The following NAALADL2 variants were observed in gnomAD, a reference collection of about 807,000 sequenced individuals.
NAALADL2 encodes inactive N-acetylated-alpha-linked acidic dipeptidase-like protein 2.
NAALADL2 carries 76 observed loss-of-function variants against 87.2 expected under a neutral mutation model. The ratio of observed to expected loss-of-function variants is 0.87; its 90% confidence interval spans 0.72 to 1.05. NAALADL2 has a LOEUF of 1.05. Ranked by LOEUF, NAALADL2 falls within the 50% of genes least tolerant of loss-of-function variation. The pLI, the probability that NAALADL2 is intolerant of heterozygous loss-of-function variation, is 0.00. For synonymous variants in NAALADL2, 354 were observed against 331.0 expected (o/e 1.07, Z -0.75); for missense variants, 1,089 against 945.8 (o/e 1.15, Z -1.99).
chr3:175,587,088 C>T (rs1049161221), intron 10 of NAALADL2, among the ~76,000 whole-genome samples: 1 of 152,172 alleles, frequency 6.6e-6, no homozygotes, highest in Non-Finnish European at 1.5e-5. Context: ...GGCCCTGACT[C>T]CCTCTGATGG....
rs138431147 is a variant in NAALADL2, at chr3:174,594,327, C to T, written c.-115+43690C>T. ...TTCATAGCTCAATGTGTTTTCATGCCGATTTCTTAACTCCCTCCAAGCCTT... is the reference window on the plus strand; with the variant it reads ...TTCATAGCTCAATGTGTTTTCATGCTGATTTCTTAACTCCCTCCAAGCCTT... On this transcript the variant is annotated intron_variant, in intron 2 of 3. Transcript: ENST00000434257. Among the ~76,000 whole-genome samples the T allele has an allele frequency of 9.2e-5, 14 of 152,164 alleles. No individual in the cohort carries two copies. The East Asian group carries it at 1.2e-3, about 13-fold the overall frequency.
At chr3:175,766,011 C>T (rs986380718) in intron 13 of NAALADL2, among the ~76,000 whole-genome samples, 1 of 152,186 alleles carries the variant, frequency 6.6e-6, no homozygotes, top group Middle Eastern at 3.4e-3. Flanking sequence ...CTAGTTTGCT[C>T]AGAAATCACC....
At chr3:175,158,548 G>A (rs900640772) in intron 2 of NAALADL2, among the ~76,000 whole-genome samples, 6 of 151,960 alleles carry the variant, frequency 3.9e-5, no homozygotes, top group African/African-American at 1.2e-4. Flanking sequence ...TTTGTAATCA[G>A]GACATATCAG....
intron 3 of NAALADL2, among the ~76,000 whole-genome samples, chr3:174,827,695 A>G (rs898625313): frequency 6.6e-6 from 1 of 152,202 alleles, no homozygotes; most frequent in African/African-American, 2.4e-5. Flanking sequence ...ACATTTTAGG[A>G]GTCGTTATAC....
intron 5 of NAALADL2, among the ~76,000 whole-genome samples, chr3:175,360,063 A>G (rs1330051958): frequency 6.6e-6 from 1 of 152,112 alleles, no homozygotes; most frequent in South Asian, 2.1e-4. Context: ...CTTACATCCA[A>G]TACTCAATGC....
chr3:174,684,811 G>A (rs1727875145), intron 2 of NAALADL2, among the ~76,000 whole-genome samples: 1 of 152,064 alleles, frequency 6.6e-6, no homozygotes, highest in Non-Finnish European at 1.5e-5. Flanking sequence ...GTATTAAGGA[G>A]CCTGATGCAA....
At chr3:175,053,172 G>A (rs976462014) in intron 1 of NAALADL2, among the ~76,000 whole-genome samples, 6 of 152,184 alleles carry the variant, frequency 3.9e-5, no homozygotes, top group Non-Finnish European at 8.8e-5. Flanking sequence ...AGATCAGAAA[G>A]CATGTGTAAC....
At chr3:174,902,415 T>C (rs1732425877) in intron 1 of NAALADL2, among the ~76,000 whole-genome samples, 3 of 152,080 alleles carry the variant, frequency 2.0e-5, no homozygotes, top group Admixed American at 2.0e-4. Flanking sequence ...GTAGTGACTA[T>C]TAATGTAATT....
chr3:175,667,241 A>AAG (rs1182682303), intron 11 of NAALADL2, among the ~76,000 whole-genome samples: 954 of 91,668 alleles, frequency 0.01, 26 homozygotes, highest in African/African-American at 0.039. Context: ...GAAAGAAAGA[A>AAG]AAAGAAAGAA....
intron 3 of NAALADL2, among the ~76,000 whole-genome samples, chr3:175,248,961 T>G (rs1331644965): frequency 6.6e-6 from 1 of 152,010 alleles, no homozygotes; most frequent in African/African-American, 2.4e-5. Flanking sequence ...AATTATATAG[T>G]TCTATCAGAA....
chr3:175,738,846 C>T (rs17276578), intron 12 of NAALADL2, among the ~76,000 whole-genome samples: 35,718 of 151,974 alleles, frequency 0.24, 4,437 homozygotes, highest in Middle Eastern at 0.31. Context: ...ACATATGGCA[C>T]TTTGCAAAAT....
chr3:175,348,069 G>A (rs1763342742), intron 5 of NAALADL2, among the ~76,000 whole-genome samples: 1 of 152,076 alleles, frequency 6.6e-6, no homozygotes, highest in Non-Finnish European at 1.5e-5. Context: ...TGTTTTGTTT[G>A]AGACGGAATT....
chr3:175,454,107 A>G (rs1326887742), intron 6 of NAALADL2, among the ~76,000 whole-genome samples: 1 of 152,090 alleles, frequency 6.6e-6, no homozygotes, highest in Non-Finnish European at 1.5e-5. Flanking sequence ...TTAATAGCAA[A>G]TAATTTCCAA....
chr3:174,766,020 C>A (rs1467530945), intron 3 of NAALADL2, among the ~76,000 whole-genome samples: 1 of 152,082 alleles, frequency 6.6e-6, no homozygotes, highest in Non-Finnish European at 1.5e-5. Flanking sequence ...CAGATAAACA[C>A]CCCTCAATAG....
At chr3:175,172,270 A>G (rs1037557434) in intron 2 of NAALADL2, among the ~76,000 whole-genome samples, 4 of 152,106 alleles carry the variant, frequency 2.6e-5, no homozygotes, top group African/African-American at 9.7e-5. Context: ...ATATATATAT[A>G]TAGTCATTTT....
chr3:175,185,506 A>C (rs1207535361), intron 2 of NAALADL2, among the ~76,000 whole-genome samples: 1 of 151,986 alleles, frequency 6.6e-6, no homozygotes, highest in East Asian at 1.9e-4. Flanking sequence ...ATGCATCATG[A>C]TGTATTTATA....
intron 2 of NAALADL2, among the ~76,000 whole-genome samples, chr3:175,113,758 T>A (rs1007443114): frequency 2.0e-5 from 3 of 151,518 alleles, no homozygotes; most frequent in Non-Finnish European, 4.4e-5. Flanking sequence ...GATCCCCAAT[T>A]TTTTTTATGC....
At chr3:175,391,046 T>C (rs1560477693) in intron 5 of NAALADL2, among the ~76,000 whole-genome samples, 1 of 152,164 alleles carries the variant, frequency 6.6e-6, no homozygotes. Flanking sequence ...GAGCATCTGG[T>C]GCATGAGACT....
intron 5 of NAALADL2, among the ~76,000 whole-genome samples, chr3:175,405,215 T>A (rs1712093971): frequency 6.6e-6 from 1 of 152,178 alleles, no homozygotes; most frequent in Admixed American, 6.6e-5. Flanking sequence ...AGATTTTGCT[T>A]TGATAATTAC....
Sources: allele counts gnomAD v4.1 joint callset (sites outside exome capture counted in the v4.1 genomes callset), GRCh38; gene constraint gnomAD v4.1.1; transcripts MANE v1.5; gene names NCBI Gene and HGNC (gene_info 2026-07-23, HGNC 2026-07-21).